Variants in BASP1 observed in about 807,000 individuals in gnomAD.
The protein encoded by BASP1 is brain acid soluble protein 1.
A neutral mutation model predicts 2.2 loss-of-function variants in BASP1; 1 was observed. That is an observed-to-expected ratio of 0.46 (90% CI 0.16 to 2.17). The LOEUF (loss-of-function observed/expected upper bound fraction) is 2.17. Ranked by LOEUF, BASP1 falls within the 30% of genes most tolerant of loss-of-function variation. BASP1 has a pLI of 0.27. For missense variants in BASP1, 352 were observed against 327.2 expected, an observed-to-expected ratio of 1.08 and a Z score of -0.58; for synonymous variants, 187 against 154.2, an observed-to-expected ratio of 1.21 and a Z score of -1.58.
intron 1 of BASP1, among the ~76,000 whole-genome samples, chr5:17,264,805 T>C (rs298592): frequency 0.84 from 127,533 of 152,162 alleles, 53,880 homozygotes; most frequent in African/African-American, 0.94. Flanking sequence ...AACTTTATTC[T>C]GCTGGTTCTA....
At chr5:17,233,300 A>G (rs1739671705) in intron 1 of BASP1, among the ~76,000 whole-genome samples, 1 of 152,176 alleles carries the variant, frequency 6.6e-6, no homozygotes, top group African/African-American at 2.4e-5. Context: ...TATTAAATCA[A>G]TACTTGGTCT....
At chr5:17,225,701 C>T (rs1739487239) in intron 1 of BASP1, among the ~76,000 whole-genome samples, 1 of 152,156 alleles carries the variant, frequency 6.6e-6, no homozygotes, top group Non-Finnish European at 1.5e-5. Flanking sequence ...CTGAAATGCT[C>T]GGGGCCCTCT....
At chr5:17,244,682 T>G (rs1739941515) in intron 1 of BASP1, among the ~76,000 whole-genome samples, 1 of 151,826 alleles carries the variant, frequency 6.6e-6, no homozygotes, top group African/African-American at 2.4e-5. Context: ...TCAAAGATAC[T>G]ATAATTGTAG....
intron 1 of BASP1, among the ~76,000 whole-genome samples, chr5:17,243,209 C>T (rs1484653742): frequency 2.0e-5 from 3 of 151,724 alleles, no homozygotes; most frequent in African/African-American, 4.8e-5. Context: ...AGTGCAGGGC[C>T]GCGATCTTGA....
chr5:17,261,195 C>G lies in BASP1; in HGVS notation c.-9-14013C>G, dbSNP rs150981205. ...TTTTTTTACATTTATGTAGGGAATA[C>G]ACATGTGGATGCTGACTGTGCATTT... On this transcript the variant is annotated intron_variant, in intron 1 of 1. Transcript: ENST00000322611. Among the ~76,000 whole-genome samples, 650 of 152,292 alleles carry G rather than the reference C, an allele frequency of 4.3e-3. 8 individuals are homozygous for G. Among genetic ancestry groups the G allele is most frequent in the African/African-American group, 0.015 (627 of 41,564 alleles).
At position 17,275,085 on chromosome 5, in the gene BASP1, C is replaced by T. The variant is rs964348048; in HGVS notation, c.-9-123C>T. The T allele has an allele frequency of 2.2e-5, 17 of 785,856 alleles. No homozygotes were observed. The African/African-American group carries it at 2.8e-4, about 13-fold the overall frequency. The allele number at this position is 785,856 out of a possible 1,614,324, so 48.7% of individuals were successfully genotyped here. ...CTGTGCCTAACTATAGTTTACCATG[C>T]CACCCCTTTGGGGTGTGCAGTGCAG... On this transcript the variant is annotated intron_variant, in intron 1 of 1. Transcript: ENST00000322611. This position sits in a 1 kb window ranked among gnomAD's most constrained non-coding sequence, Gnocchi z 5.3.
At chr5:17,234,056 A>G (rs1739688819) in intron 1 of BASP1, among the ~76,000 whole-genome samples, 1 of 152,118 alleles carries the variant, frequency 6.6e-6, no homozygotes, top group Admixed American at 6.5e-5. Context: ...GCTTCAACCC[A>G]GGAGGTGGAG....
At chr5:17,232,583 G>T (rs964188357) in intron 1 of BASP1, among the ~76,000 whole-genome samples, 1 of 152,180 alleles carries the variant, frequency 6.6e-6, no homozygotes, top group African/African-American at 2.4e-5. Flanking sequence ...GGCTGGATAC[G>T]TGGAAGGGCA....
chr5:17,237,487 G>A (rs117231612), intron 1 of BASP1, among the ~76,000 whole-genome samples: 2 of 152,290 alleles, frequency 1.3e-5, no homozygotes, highest in East Asian at 1.9e-4. Context: ...AGTGACTTCG[G>A]TATGGCTCAT....
rs748920814 is a variant in BASP1 at position 17,233,595 on chromosome 5, A to G, written c.-10+15785A>G. 5.3e-5 allele frequency among the ~76,000 whole-genome samples: 8 copies of G among 152,172 alleles called. 1 individual carries two copies. Among genetic ancestry groups the G allele is most frequent in the South Asian group, 4.1e-4 (2 of 4,830 alleles). On this transcript the variant is annotated intron_variant, in intron 1 of 1. Coordinates refer to ENST00000322611, the MANE Select transcript of BASP1 (RefSeq NM_006317.5). ...ACCATACTGCCTCCTGGTTTCTCAC[A>G]GACCTACTGTATGTTTTGTTTGGAA... is the stretch of plus-strand genomic sequence containing the variant.
At chr5:17,257,625 GC>G (rs1740240986) in intron 1 of BASP1, among the ~76,000 whole-genome samples, 1 of 152,138 alleles carries the variant, frequency 6.6e-6, no homozygotes, top group Non-Finnish European at 1.5e-5. Context: ...CTGACTCCCT[GC>G]CCCAGGTCAC....
intron 1 of BASP1, among the ~76,000 whole-genome samples, chr5:17,269,767 G>A (rs1258377255): frequency 6.6e-6 from 1 of 152,156 alleles, no homozygotes; most frequent in African/African-American, 2.4e-5. Context: ...AAAACAAAAT[G>A]ACATTTGACA....
At chr5:17,249,666 C>T (rs1169853382) in intron 1 of BASP1, among the ~76,000 whole-genome samples, 1 of 152,012 alleles carries the variant, frequency 6.6e-6, no homozygotes, top group African/African-American at 2.4e-5. Flanking sequence ...TTAATGTGAC[C>T]ACAACCTTTT....
At chr5:17,225,008 TTG>T (rs1191302638) in intron 1 of BASP1, among the ~76,000 whole-genome samples, 2 of 152,210 alleles carry the variant, frequency 1.3e-5, no homozygotes, top group Non-Finnish European at 2.9e-5. Context: ...AGTACTTTCC[TTG>T]GAGCAGAAGG....
chr5:17,255,039 C>G (rs536245949), intron 1 of BASP1, among the ~76,000 whole-genome samples: 104 of 152,250 alleles, frequency 6.8e-4, no homozygotes, highest in Admixed American at 1.5e-3. Context: ...GATATTTTCC[C>G]CTCTTCATGT....
chr5:17,239,320 C>T (rs1484978750), intron 1 of BASP1, among the ~76,000 whole-genome samples: 1 of 152,098 alleles, frequency 6.6e-6, no homozygotes, highest in African/African-American at 2.4e-5. Context: ...GTCTCGATCT[C>T]CTGACCTTGT....
rs1740481652 is a variant in BASP1 at position 17,269,074 on chromosome 5, T to A, written c.-9-6134T>A. Among the ~76,000 whole-genome samples, 3 of 152,202 alleles carry A rather than the reference T, an allele frequency of 2.0e-5. No homozygotes were observed. The South Asian group carries it at 6.2e-4, about 32-fold the overall frequency. ...ATCCTCTGAAGACACTAAAGTGTAG[T>A]TGTCTCTGAGGACAAAAACAAACGA... is the stretch of plus-strand genomic sequence containing the variant. On this transcript the variant is annotated intron_variant, in intron 1 of 1. Transcript: ENST00000322611.
At chr5:17,263,933 T>C (rs1361246116) in intron 1 of BASP1, among the ~76,000 whole-genome samples, 2 of 152,162 alleles carry the variant, frequency 1.3e-5, no homozygotes. Context: ...ATCCTCTAAA[T>C]GATGGGGATG....
At position 17,275,813 on chromosome 5, in the gene BASP1, C is replaced by T. The variant is rs138847371; in HGVS notation, c.597C>T (p.Ala199=). The T allele has an allele frequency of 1.2e-4, 194 of 1,612,444 alleles. No individual in the cohort carries two copies. In the African/African-American group the frequency reaches 2.0e-3, roughly 16 times the overall value. ...AAGCGCCTAGTTCCACACCCAAGGC[C>T]CAGGGCCCCGCAGCCTCTGCAGAAG... ...ATEAPSSTPK[A]QGPAASAEEP... is the part of the protein sequence containing the mutation. Residue 199 remains alanine (A), a synonymous_variant, in exon 2 of 2, where the codon GCC becomes GCT. Coordinates refer to ENST00000322611, the MANE Select transcript of BASP1 (RefSeq NM_006317.5). The surrounding 1 kb of genome is among the most constrained non-coding windows in gnomAD (Gnocchi z 5.3).
Sources: gnomAD v4.1 joint callset for allele counts (sites outside exome capture counted in the v4.1 genomes callset) on GRCh38, gnomAD v4.1.1 for gene constraint, Gnocchi (gnomAD v3.1) non-coding constraint, MANE v1.5 for transcripts, NCBI Gene and HGNC (gene_info 2026-07-23, HGNC 2026-07-21) for gene names.